COL11A1: variants seen among roughly 807,000 people sequenced by gnomAD.
COL11A1 encodes the protein collagen type XI alpha 1 chain, also known as collagen alpha-1(XI) chain.
COL11A1 carries 74 observed loss-of-function variants against 265.2 expected under a neutral mutation model. The ratio of observed to expected loss-of-function variants is 0.28; its 90% confidence interval spans 0.23 to 0.34. The LOEUF (loss-of-function observed/expected upper bound fraction) is 0.34. Ranked by LOEUF, COL11A1 falls within the 10% of genes least tolerant of loss-of-function variation. The pLI is 1.00. For missense variants in COL11A1, 2,165 were observed against 2,263.6 expected, an observed-to-expected ratio of 0.96 and a Z score of 0.88; for synonymous variants, 816 against 727.6, an observed-to-expected ratio of 1.12 and a Z score of -1.96.
At chr1:102,972,922 G>T (rs539922958) in intron 36 of COL11A1, among the ~76,000 whole-genome samples, 1 of 151,758 alleles carries the variant, frequency 6.6e-6, no homozygotes, top group Non-Finnish European at 1.5e-5. Flanking sequence ...TGCCGATATG[G>T]GCATGATATT....
chr1:102,885,775 A>G (rs1025308955), intron 63 of COL11A1, among the ~76,000 whole-genome samples: 1 of 152,158 alleles, frequency 6.6e-6, no homozygotes, highest in Non-Finnish European at 1.5e-5. Flanking sequence ...AACACCAGTT[A>G]AAAGTAAATC....
chr1:102,968,080 T>G (rs886897775), intron 37 of COL11A1, among the ~76,000 whole-genome samples: 5 of 152,198 alleles, frequency 3.3e-5, no homozygotes, highest in African/African-American at 1.2e-4. Context: ...ACATTTGATC[T>G]TGGGGATCTT....
chr1:102,965,153 TG>T (rs1269150437), intron 38 of COL11A1, among the ~76,000 whole-genome samples: 7 of 152,190 alleles, frequency 4.6e-5, no homozygotes, highest in Admixed American at 2.0e-4. Flanking sequence ...AAAAAGATAA[TG>T]GCCCACCTAT....
intron 44 of COL11A1, among the ~76,000 whole-genome samples, chr1:102,937,653 G>C (rs762852861): frequency 1.3e-5 from 2 of 152,084 alleles, no homozygotes; most frequent in Non-Finnish European, 2.9e-5. Flanking sequence ...TGTAGGGTTT[G>C]GTCCCTCCTT....
At chr1:102,905,298 C>T (rs1432750924) in intron 54 of COL11A1, among the ~76,000 whole-genome samples, 1 of 150,196 alleles carries the variant, frequency 6.7e-6, no homozygotes, top group Non-Finnish European at 1.5e-5. Context: ...GGGTGCAGCA[C>T]ACCAACATGG....
intron 58 of COL11A1, among the ~76,000 whole-genome samples, chr1:102,889,852 C>T (rs1651521406): frequency 6.6e-6 from 1 of 151,930 alleles, no homozygotes; most frequent in South Asian, 2.1e-4. Context: ...TGAGGAATCT[C>T]TAAACCAATA....
chr1:102,934,661 A>G lies in COL11A1; in HGVS notation c.3493-105T>C, dbSNP rs1657957846. On this transcript the variant is annotated intron_variant, in intron 45 of 66. Coordinates refer to ENST00000370096, the MANE Select transcript of COL11A1 (RefSeq NM_001854.4). The stretch of plus-strand genomic sequence containing the variant: ...AATTTAATCAAAGCAGATGTATTTA[A>G]GAATAACCAAGTAAAAAGTAGACTG... 1.4e-5 allele frequency: 12 copies of G among 873,022 alleles called. No individual in the cohort carries two copies. In the South Asian group the frequency reaches 1.7e-4, roughly 12 times the overall value. 54.1% of individuals were successfully genotyped at this position (873,022 alleles called of 1,614,324 possible). A position where few individuals can be genotyped will look rare whatever the true frequency, so the allele number is the denominator to read the frequency against.
At chr1:103,083,242 C>CTGTGTG (rs759909809) in intron 1 of COL11A1, among the ~76,000 whole-genome samples, 8 of 73,508 alleles carry the variant, frequency 1.1e-4, no homozygotes, top group East Asian at 3.7e-4. Flanking sequence ...GTGTGTGTGT[C>CTGTGTG]TGTGTCTGTG....
chr1:103,017,254 AT>A (rs1285374020), intron 11 of COL11A1, among the ~76,000 whole-genome samples: 4 of 152,104 alleles, frequency 2.6e-5, no homozygotes, highest in Non-Finnish European at 4.4e-5. Flanking sequence ...AAGTTTTTAC[AT>A]TATTTAAATT....
chr1:103,051,465 AG>A (rs941254942), intron 4 of COL11A1, among the ~76,000 whole-genome samples: 34 of 152,302 alleles, frequency 2.2e-4, no homozygotes, highest in African/African-American at 7.5e-4. Flanking sequence ...GCACAGTATT[AG>A]GGTGGGAGTG....
rs75241686 is a variant in COL11A1 at position 103,008,910 on chromosome 1, T to C, written c.1630-394A>G. Among the ~76,000 whole-genome samples, 603 of 152,330 alleles carry C rather than the reference T, an allele frequency of 4.0e-3. 2 individuals are homozygous for C. Among genetic ancestry groups the C allele is most frequent in the Non-Finnish European group, 5.9e-3 (399 of 68,022 alleles). On this transcript the variant is annotated intron_variant, in intron 14 of 66. Coordinates refer to ENST00000370096, the MANE Select transcript of COL11A1 (RefSeq NM_001854.4). ...AAATCAGATATACATGTAATCCATT[T>C]ATACTGTAAGGACTTGACAAAATGT...
chr1:102,925,671 T>C (rs1349043283), intron 46 of COL11A1, among the ~76,000 whole-genome samples: 2 of 152,062 alleles, frequency 1.3e-5, no homozygotes, highest in Non-Finnish European at 2.9e-5. Context: ...CTAAAAATTG[T>C]AGGTGACTGC....
chr1:102,879,994 A>G, intron 65 of COL11A1, 78 bp from the exon 66 acceptor site: 1 of 962,128 alleles, frequency 1.0e-6, no homozygotes, highest in Non-Finnish European at 1.6e-6. Flanking sequence ...CACTGCAGAC[A>G]GTGAACTGTG....
chr1:103,002,191 G>A (rs1195989815), intron 23 of COL11A1, among the ~76,000 whole-genome samples: 1 of 152,064 alleles, frequency 6.6e-6, no homozygotes, highest in East Asian at 1.9e-4. Context: ...CCTCCTGCAG[G>A]TGGCTATTAG....
chr1:103,023,840 C>T (rs898529478), intron 7 of COL11A1, among the ~76,000 whole-genome samples: 18 of 151,990 alleles, frequency 1.2e-4, no homozygotes, highest in African/African-American at 3.9e-4. Context: ...AGTAGTATTA[C>T]ACCAAAGAGT....
At chr1:103,093,646 C>T (rs1320252543) in intron 1 of COL11A1, among the ~76,000 whole-genome samples, 1 of 152,116 alleles carries the variant, frequency 6.6e-6, no homozygotes, top group Non-Finnish European at 1.5e-5. Context: ...AACAAGAAGG[C>T]TTGGACAAGA....
At chr1:102,934,662 G>C in intron 45 of COL11A1, 106 bp from the exon 46 acceptor site, 1 of 874,194 alleles carries the variant, frequency 1.1e-6, no homozygotes, top group Non-Finnish European at 1.9e-6. Context: ...ATGTATTTAA[G>C]AATAACCAAG....
At chr1:102,924,926 T>C (rs1172233064) in intron 46 of COL11A1, among the ~76,000 whole-genome samples, 2 of 152,024 alleles carry the variant, frequency 1.3e-5, no homozygotes, top group Non-Finnish European at 2.9e-5. Flanking sequence ...AGTAATCGTT[T>C]CTAATATTGT....
chr1:102,930,437 G>A lies in COL11A1; in HGVS notation c.3600+4012C>T, dbSNP rs1349717355. On this transcript the variant is annotated intron_variant, in intron 46 of 66. Coordinates refer to ENST00000370096, the MANE Select transcript of COL11A1 (RefSeq NM_001854.4). ...TGAACCAGCCTTGCATCCCAGGGAT[G>A]AAGCCCACTTCATCATGGTGGATAA... Among the ~76,000 whole-genome samples, 11 of 151,826 alleles carry A rather than the reference G, an allele frequency of 7.2e-5. No homozygotes were observed. In the East Asian group the frequency reaches 7.7e-4, roughly 11 times the overall value.
Sources: gnomAD v4.1 joint callset for allele counts (sites outside exome capture counted in the v4.1 genomes callset) on GRCh38, gnomAD v4.1.1 for gene constraint, MANE v1.5 for transcripts, NCBI Gene and HGNC (gene_info 2026-07-23, HGNC 2026-07-21) for gene names.